The following GPR89B variants were observed in gnomAD, a reference collection of about 807,000 sequenced individuals.
GPR89B encodes golgi pH regulator B.
Under a neutral mutation model 52.4 loss-of-function variants are expected in GPR89B, and 25 were observed. The observed-to-expected ratio is 0.48, with a 90% confidence interval of 0.35 to 0.67. The LOEUF is 0.67. GPR89B is among the 30% of genes least tolerant of loss of function. GPR89B has a pLI of 0.01. For missense variants in GPR89B, 146 were observed against 450.2 expected, an observed-to-expected ratio of 0.32 and a Z score of 6.11; for synonymous variants, 52 against 151.2, an observed-to-expected ratio of 0.34 and a Z score of 4.81.
At chr1:147,943,289 A>G in intron 3 of GPR89B, 149 bp from the exon 4 acceptor site, 1 of 1,152,200 alleles carries the variant, frequency 8.7e-7, no homozygotes, top group South Asian at 1.7e-5. Context: ...ATCTCTACAA[A>G]TGAGTAGATT....
At chr1:148,015,602 C>CCG in the GPR89B span, among the ~76,000 whole-genome samples, 2 of 148,050 alleles carry the variant, frequency 1.4e-5, 1 homozygote, top group Admixed American at 1.4e-4. Flanking sequence ...GCTTGAGCCA[C>CCG]CGCGCCCGGC....
the GPR89B span, chr1:148,009,389 G>A: frequency 7.9e-5 from 128 of 1,611,962 alleles, no homozygotes; most frequent in South Asian, 2.7e-4. Flanking sequence ...CCTCCTTCAC[G>A]AGATAGCAGA....
At chr1:147,931,324 A>G (rs4950496) in intron 1 of GPR89B, among the ~76,000 whole-genome samples, 6,666 of 151,992 alleles carry the variant, frequency 0.044, 206 homozygotes, top group African/African-American at 0.074. Context: ...CTCATGTTTT[A>G]AGCCCTCTAT....
chr1:147,940,140 A>C (rs587631424), intron 3 of GPR89B, among the ~76,000 whole-genome samples: 2 of 152,106 alleles, frequency 1.3e-5, no homozygotes, highest in East Asian at 1.9e-4. Flanking sequence ...GCGGTGGCTC[A>C]CGCCTGTAAT....
chr1:147,976,155 A>T (rs1395200807), intron 10 of GPR89B, among the ~76,000 whole-genome samples: 3 of 152,254 alleles, frequency 2.0e-5, no homozygotes, highest in South Asian at 2.1e-4. Context: ...AGTTCTGTAG[A>T]TATCTATCAG....
chr1:147,940,003 G>C (rs1299327403), intron 3 of GPR89B, among the ~76,000 whole-genome samples: 1 of 151,740 alleles, frequency 6.6e-6, no homozygotes, highest in Non-Finnish European at 1.5e-5. Context: ...AAGAGTGAGA[G>C]AGAGAGAATC....
intron 1 of GPR89B, among the ~76,000 whole-genome samples, chr1:147,930,546 T>C (rs1653496798): frequency 6.6e-6 from 1 of 152,124 alleles, no homozygotes; most frequent in African/African-American, 2.4e-5. Flanking sequence ...AGTGAATATT[T>C]GTTTAATAAA....
At chr1:147,970,915 G>GGTTTGT (rs1657415363) in intron 10 of GPR89B, among the ~76,000 whole-genome samples, 1 of 150,888 alleles carries the variant, frequency 6.6e-6, no homozygotes, top group Non-Finnish European at 1.5e-5. Context: ...TTTCCTACTG[G>GGTTTGT]GTTTGTGTTT....
At chr1:147,970,535 ATC>A (rs1189918798) in intron 10 of GPR89B, among the ~76,000 whole-genome samples, 3,059 of 87,528 alleles carry the variant, frequency 0.035, 17 homozygotes, top group Non-Finnish European at 0.051. Context: ...CTCTCTCTCT[ATC>A]TCTATCTCTC....
At chr1:148,019,226 C>T in the GPR89B span, among the ~76,000 whole-genome samples, 1 of 151,486 alleles carries the variant, frequency 6.6e-6, no homozygotes, top group Non-Finnish European at 1.5e-5. Flanking sequence ...CCACCCACCT[C>T]GACCTCCCAA....
intron 9 of GPR89B, 169 bp downstream of exon 9, chr1:147,969,132 C>T: frequency 1.9e-6 from 1 of 539,434 alleles, no homozygotes; most frequent in Non-Finnish European, 3.2e-6. Context: ...TGAAATTGCT[C>T]CTGTCACTAG....
intron 3 of GPR89B, among the ~76,000 whole-genome samples, chr1:147,939,992 A>G (rs587721029): frequency 6.6e-5 from 10 of 151,970 alleles, no homozygotes; most frequent in Middle Eastern, 3.4e-3. Context: ...CTCTTAAAAA[A>G]AAGAGTGAGA....
the GPR89B span, among the ~76,000 whole-genome samples, chr1:148,023,957 G>C: frequency 3.4e-5 from 5 of 145,816 alleles, no homozygotes; most frequent in South Asian, 1.1e-3. Flanking sequence ...TCCTACTTGT[G>C]AATTTTTGTT....
chr1:147,944,681 C>CA (rs1225551610), intron 5 of GPR89B, among the ~76,000 whole-genome samples: 1 of 127,106 alleles, frequency 7.9e-6, no homozygotes, highest in African/African-American at 3.0e-5. Context: ...TCCCCTCTAA[C>CA]AAAAAAAGTT....
rs1657733743 is a variant in GPR89B, at chr1:147,975,010, G to A, written c.909+5051G>A. ...GTATGTTGAACCAGTGTTGCATACC[G>A]GGGATGAAGCTGACTTGATCGTGGT... is the stretch of plus-strand genomic sequence containing the variant. On this transcript the variant is annotated intron_variant, in intron 10 of 13. Transcript: ENST00000314163. Among the ~76,000 whole-genome samples, 6 of 151,938 alleles carry A rather than the reference G, an allele frequency of 3.9e-5. 1 individual carries two copies. The highest frequency in any genetic ancestry group is 9.7e-5 in the African/African-American group (4 of 41,230).
At chr1:147,990,242 G>A (rs1187207192) in intron 12 of GPR89B, among the ~76,000 whole-genome samples, 3 of 150,754 alleles carry the variant, frequency 2.0e-5, no homozygotes, top group African/African-American at 7.3e-5. Flanking sequence ...CCATGTGTCT[G>A]TTGGCTGCAC....
chr1:147,962,704 C>T (rs1656686728), intron 7 of GPR89B, among the ~76,000 whole-genome samples: 1 of 151,672 alleles, frequency 6.6e-6, no homozygotes, highest in Admixed American at 6.6e-5. Flanking sequence ...CAAGACTAGA[C>T]CGGTGAACAT....
intron 1 of GPR89B, among the ~76,000 whole-genome samples, chr1:147,934,264 C>T (rs1330879324): frequency 6.6e-6 from 1 of 151,966 alleles, no homozygotes; most frequent in African/African-American, 2.4e-5. Context: ...ATAACGTCTA[C>T]CTGCCAGGCT....
Position 147,958,867 on chromosome 1 carries a change from CCA to C in GPR89B, c.617+4468_617+4469del, listed in dbSNP as rs1254993611. On this transcript the variant is annotated intron_variant, in intron 7 of 13. Coordinates refer to ENST00000314163, the MANE Select transcript of GPR89B (RefSeq NM_016334.5). ...TCAGCCTCCCAGCATGACCCCATTA[CCA>C]CAGTCCTTTACCCAGTGGAACTAAC... 5.5e-3 allele frequency among the ~76,000 whole-genome samples: 841 copies of C among 152,112 alleles called. 16 individuals carry two copies. The highest frequency in any genetic ancestry group is 0.019 in the African/African-American group (794 of 41,398).
Sources: allele counts gnomAD v4.1 joint callset (sites outside exome capture counted in the v4.1 genomes callset), GRCh38; gene constraint gnomAD v4.1.1; transcripts MANE v1.5; gene names NCBI Gene and HGNC (gene_info 2026-07-23, HGNC 2026-07-21).